TGFBR3: variants seen among roughly 807,000 people sequenced by gnomAD.
TGFBR3 encodes transforming growth factor beta receptor 3.
In TGFBR3, 46 loss-of-function variants were observed where a neutral mutation model predicts 87.9. The observed-to-expected ratio is 0.52, with a 90% CI of 0.41 to 0.67. The LOEUF is 0.67. Ranked by LOEUF, TGFBR3 falls within the 30% of genes least tolerant of loss-of-function variation. The pLI is 0.00. For missense variants in TGFBR3, 866 were observed against 1,041.9 expected, an observed-to-expected ratio of 0.83 and a Z score of 2.32; for synonymous variants, 381 against 391.6, an observed-to-expected ratio of 0.97 and a Z score of 0.32.
At chr1:91,722,500 CTTTT>C (rs5776114) in intron 7 of TGFBR3, among the ~76,000 whole-genome samples, 1 of 152,066 alleles carries the variant, frequency 6.6e-6, no homozygotes, top group Admixed American at 6.6e-5. Context: ...TAAACTTTCC[CTTTT>C]TTTTACTTAA....
chr1:91,737,326 C>G (rs923378), intron 4 of TGFBR3, among the ~76,000 whole-genome samples: 24,394 of 152,150 alleles, frequency 0.16, 2,155 homozygotes, highest in East Asian at 0.25. Context: ...AAGGCTACAG[C>G]TGAGTTTTAG....
Position 91,727,509 on chromosome 1 carries a change from T to C in TGFBR3, c.885+150A>G, listed in dbSNP as rs1672591151. 4 of 966,944 alleles carry C rather than the reference T, an allele frequency of 4.1e-6. No individual in the cohort carries two copies. The South Asian group carries it at 6.3e-5, about 15-fold the overall frequency. The allele number at this position is 966,944 out of a possible 1,614,324, so 59.9% of individuals were successfully genotyped here. A position where few individuals can be genotyped will look rare whatever the true frequency, so the allele number is the denominator to read the frequency against. ...TGTTTGAACAACCGCACCTATTTTA[T>C]AGGAGCATGCTATTTTGCAAAGTGA... On this transcript the variant is annotated intron_variant, in intron 7 of 16. Coordinates refer to ENST00000212355, the MANE Select transcript of TGFBR3 (RefSeq NM_003243.5).
intron 2 of TGFBR3, among the ~76,000 whole-genome samples, chr1:91,828,546 T>C (rs894639804): frequency 1.3e-5 from 2 of 152,156 alleles, no homozygotes; most frequent in Non-Finnish European, 2.9e-5. Flanking sequence ...GGAGAGTTCA[T>C]AAGGAATTAT....
chr1:91,815,535 A>G (rs973251706), intron 2 of TGFBR3, among the ~76,000 whole-genome samples: 2 of 152,150 alleles, frequency 1.3e-5, no homozygotes, highest in Non-Finnish European at 2.9e-5. Context: ...AAAGAAGCCC[A>G]CAGGATACAA....
At chr1:91,714,364 A>G (rs1458935670) in intron 12 of TGFBR3, among the ~76,000 whole-genome samples, 2 of 152,224 alleles carry the variant, frequency 1.3e-5, no homozygotes, top group African/African-American at 4.8e-5. Context: ...AAATTCCCCA[A>G]GACAAATGAA....
chr1:91,707,058 A>C (rs754167595), intron 14 of TGFBR3, among the ~76,000 whole-genome samples: 3 of 152,242 alleles, frequency 2.0e-5, no homozygotes, highest in Non-Finnish European at 4.4e-5. Context: ...CAGAAAAATG[A>C]ATTAAAGATT....
intron 2 of TGFBR3, among the ~76,000 whole-genome samples, chr1:91,852,993 G>GA (rs140625227): frequency 4.7e-5 from 7 of 150,472 alleles, no homozygotes; most frequent in South Asian, 2.1e-4. Flanking sequence ...CATCTCTACA[G>GA]AAAAAAAACA....
chr1:91,800,560 C>A (rs1216517927), intron 2 of TGFBR3, among the ~76,000 whole-genome samples: 1 of 151,680 alleles, frequency 6.6e-6, no homozygotes, highest in Non-Finnish European at 1.5e-5. Flanking sequence ...CGTTTAAATA[C>A]ACTCAACAGT....
chr1:91,895,234 C>T (rs1164038482), intron 2 of TGFBR3, among the ~76,000 whole-genome samples: 1 of 152,028 alleles, frequency 6.6e-6, no homozygotes, highest in East Asian at 1.9e-4. Context: ...TAGTATCATA[C>T]CCTTGGTATT....
At chr1:91,709,130 T>C (rs1157465156) in intron 13 of TGFBR3, among the ~76,000 whole-genome samples, 1 of 152,244 alleles carries the variant, frequency 6.6e-6, no homozygotes, top group Non-Finnish European at 1.5e-5. Context: ...GGGCTTCATA[T>C]ACACGGTTCA....
chr1:91,705,369 G>A (rs560367236), intron 14 of TGFBR3, among the ~76,000 whole-genome samples: 5 of 151,870 alleles, frequency 3.3e-5, no homozygotes, highest in Non-Finnish European at 5.9e-5. Context: ...GATTACAGGC[G>A]TGTGCCATGA....
chr1:91,878,928 G>A (rs1323639146), intron 1 of TGFBR3, among the ~76,000 whole-genome samples: 1 of 152,126 alleles, frequency 6.6e-6, no homozygotes, highest in African/African-American at 2.4e-5. Context: ...TAAAGATAGA[G>A]CTAACATTTC....
chr1:91,748,139 C>T (rs1399154336), intron 4 of TGFBR3, among the ~76,000 whole-genome samples: 1 of 152,188 alleles, frequency 6.6e-6, no homozygotes, highest in Non-Finnish European at 1.5e-5. Flanking sequence ...GAGGTGAGGC[C>T]TCTAGCCCGA....
At chr1:91,870,683 T>C (rs1250990251) in intron 1 of TGFBR3, among the ~76,000 whole-genome samples, 10 of 152,084 alleles carry the variant, frequency 6.6e-5, no homozygotes, top group Admixed American at 6.6e-4. Context: ...CATTTTGTAG[T>C]GAGAAAGGTG....
chr1:91,699,644 C>T (rs1222728085), intron 14 of TGFBR3, among the ~76,000 whole-genome samples: 1 of 152,082 alleles, frequency 6.6e-6, no homozygotes, highest in Non-Finnish European at 1.5e-5. Context: ...GCACCAGTGC[C>T]ATGAAGAAGG....
chr1:91,873,500 T>C (rs1253222271), intron 1 of TGFBR3, among the ~76,000 whole-genome samples: 1 of 151,776 alleles, frequency 6.6e-6, no homozygotes, highest in Non-Finnish European at 1.5e-5. Context: ...TTGGCCAGGC[T>C]GCTCTCAAAC....
intron 2 of TGFBR3, among the ~76,000 whole-genome samples, chr1:91,858,350 C>A (rs1678040581): frequency 6.6e-6 from 1 of 152,098 alleles, no homozygotes; most frequent in Non-Finnish European, 1.5e-5. Flanking sequence ...CACAGTGGCT[C>A]ACACCTGTAA....
intron 3 of TGFBR3, among the ~76,000 whole-genome samples, chr1:91,786,947 C>T (rs1674993222): frequency 6.6e-6 from 1 of 152,152 alleles, no homozygotes; most frequent in African/African-American, 2.4e-5. Context: ...TAGCAGTTGA[C>T]TGTACCTATA....
intron 6 of TGFBR3, among the ~76,000 whole-genome samples, chr1:91,728,481 C>G (rs1376491644): frequency 1.3e-5 from 2 of 152,126 alleles, no homozygotes; most frequent in Admixed American, 6.5e-5. Flanking sequence ...ACCCAAACTT[C>G]TAAGAATTCG....
Sources: allele counts gnomAD v4.1 joint callset (sites outside exome capture counted in the v4.1 genomes callset), GRCh38; gene constraint gnomAD v4.1.1; transcripts MANE v1.5; gene names NCBI Gene and HGNC (gene_info 2026-07-23, HGNC 2026-07-21).